Variants in BBS9 observed in about 807,000 individuals in gnomAD.
BBS9 encodes the protein protein PTHB1.
BBS9 carries 89 observed loss-of-function variants against 117.7 expected under a neutral mutation model. The observed-to-expected ratio is 0.76, with a 90% CI of 0.64 to 0.90. The LOEUF is 0.90. Ranked by LOEUF, BBS9 falls within the 40% of genes least tolerant of loss-of-function variation. The pLI is 0.00. For synonymous variants in BBS9, 379 were observed against 370.9 expected (o/e 1.02, Z -0.25); for missense variants, 982 against 1,042.2 (o/e 0.94, Z 0.80).
At chr7:33,626,459 G>C (rs889109042) in intron 21 of BBS9, among the ~76,000 whole-genome samples, 2 of 152,210 alleles carry the variant, frequency 1.3e-5, no homozygotes, top group African/African-American at 4.8e-5. Flanking sequence ...GTAACAGGCA[G>C]AGGTTGGAAC....
intron 19 of BBS9, among the ~76,000 whole-genome samples, chr7:33,436,345 C>T (rs73314992): frequency 0.037 from 5,628 of 152,144 alleles, 360 homozygotes; most frequent in African/African-American, 0.13. Context: ...AGATGCTCAT[C>T]GGTTAAAATC....
chr7:33,452,999 G>A (rs1838116607), intron 19 of BBS9, among the ~76,000 whole-genome samples: 2 of 152,108 alleles, frequency 1.3e-5, no homozygotes, highest in African/African-American at 2.4e-5. Flanking sequence ...ATTTAAGAAG[G>A]CAGTGGAGTT....
At chr7:33,239,443 CT>C (rs1240312281) in intron 5 of BBS9, among the ~76,000 whole-genome samples, 1 of 151,676 alleles carries the variant, frequency 6.6e-6, no homozygotes, top group African/African-American at 2.4e-5. Context: ...CAGAGTCTTG[CT>C]CTGTCACCAG....
At chr7:33,249,460 A>G (rs553622127) in intron 5 of BBS9, among the ~76,000 whole-genome samples, 1 of 152,174 alleles carries the variant, frequency 6.6e-6, no homozygotes, top group South Asian at 2.1e-4. Context: ...AGCTGCCATA[A>G]TGGAACTTTT....
chr7:33,169,079 C>T (rs1470069608), intron 4 of BBS9, among the ~76,000 whole-genome samples: 3 of 151,950 alleles, frequency 2.0e-5, no homozygotes, highest in East Asian at 1.9e-4. Flanking sequence ...TTTGTCCTTG[C>T]GATAGTTTAC....
intron 20 of BBS9, among the ~76,000 whole-genome samples, chr7:33,520,112 G>A (rs569434051): frequency 1.3e-5 from 2 of 151,560 alleles, no homozygotes; most frequent in African/African-American, 2.4e-5. Flanking sequence ...GGGTTTAAGC[G>A]ATTCTCCTGC....
intron 9 of BBS9, among the ~76,000 whole-genome samples, chr7:33,313,165 T>G (rs1049123142): frequency 6.6e-6 from 1 of 151,696 alleles, no homozygotes; most frequent in African/African-American, 2.4e-5. Flanking sequence ...GGTCATTTCT[T>G]CTAGGAAGCA....
chr7:33,480,464 A>C (rs1842381778), intron 19 of BBS9, among the ~76,000 whole-genome samples: 1 of 152,064 alleles, frequency 6.6e-6, no homozygotes, highest in African/African-American at 2.4e-5. Context: ...GTAGGTAATA[A>C]ATAAATGGCA....
intron 19 of BBS9, among the ~76,000 whole-genome samples, chr7:33,446,158 A>G (rs1477618989): frequency 3.3e-5 from 5 of 152,202 alleles, no homozygotes; most frequent in Non-Finnish European, 7.3e-5. Context: ...TAAAATAGCA[A>G]CAGCAACAAC....
intron 9 of BBS9, among the ~76,000 whole-genome samples, chr7:33,289,024 A>G (rs17170167): frequency 0.11 from 17,219 of 152,196 alleles, 1,156 homozygotes; most frequent in African/African-American, 0.18. Flanking sequence ...CAGAGTATTT[A>G]TCCACCATAT....
chr7:33,404,451 C>T (rs558199985), intron 19 of BBS9, among the ~76,000 whole-genome samples: 10,205 of 151,880 alleles, frequency 0.067, 387 homozygotes, highest in African/African-American at 0.079. Context: ...GCCATTTTCA[C>T]GGTATTGATT....
At chr7:33,341,578 T>G (rs996584908) in intron 11 of BBS9, among the ~76,000 whole-genome samples, 3 of 152,112 alleles carry the variant, frequency 2.0e-5, no homozygotes, top group African/African-American at 7.2e-5. Context: ...TTGAATGTTA[T>G]GATAATTGTT....
At chr7:33,325,268 C>G (rs1448239109) in intron 9 of BBS9, among the ~76,000 whole-genome samples, 1 of 152,194 alleles carries the variant, frequency 6.6e-6, no homozygotes, top group Non-Finnish European at 1.5e-5. Flanking sequence ...GTGAGGCACT[C>G]TGATGCATTC....
chr7:33,278,689 C>T (rs1801248984), intron 9 of BBS9, among the ~76,000 whole-genome samples: 1 of 152,100 alleles, frequency 6.6e-6, no homozygotes, highest in Non-Finnish European at 1.5e-5. Flanking sequence ...GATCTCTGCC[C>T]TATGGGTCGA....
At chr7:33,482,336 C>G (rs1445853817) in intron 19 of BBS9, among the ~76,000 whole-genome samples, 1 of 152,126 alleles carries the variant, frequency 6.6e-6, no homozygotes. Flanking sequence ...CACTGCTGCT[C>G]CTGTATCCCA....
chr7:33,515,111 C>T (rs928889291), intron 20 of BBS9, among the ~76,000 whole-genome samples: 7 of 151,576 alleles, frequency 4.6e-5, no homozygotes, highest in African/African-American at 1.2e-4. Flanking sequence ...GCTTTGTGGA[C>T]GAATCAGGAA....
chr7:33,303,520 C>CCA (rs1806957236), intron 9 of BBS9, among the ~76,000 whole-genome samples: 2 of 64,030 alleles, frequency 3.1e-5, no homozygotes, highest in Non-Finnish European at 5.7e-5. Flanking sequence ...GAAATGATCC[C>CCA]CTCCCCCCGC....
intron 17 of BBS9, among the ~76,000 whole-genome samples, chr7:33,375,321 A>T (rs890216751): frequency 2.6e-5 from 4 of 152,178 alleles, no homozygotes; most frequent in African/African-American, 9.6e-5. Flanking sequence ...TAATATTTCA[A>T]GGGCACGTTT....
intron 17 of BBS9, among the ~76,000 whole-genome samples, chr7:33,368,064 G>A (rs1020069102): frequency 7.2e-5 from 11 of 152,112 alleles, no homozygotes; most frequent in African/African-American, 2.4e-4. Flanking sequence ...TGTTGCCCAA[G>A]ATTACCTTAC....
Sources: allele counts gnomAD v4.1 joint callset (sites outside exome capture counted in the v4.1 genomes callset), GRCh38; gene constraint gnomAD v4.1.1; transcripts MANE v1.5; gene names NCBI Gene and HGNC (gene_info 2026-07-23, HGNC 2026-07-21).